DLGAP1: variants seen among roughly 807,000 people sequenced by gnomAD.
DLGAP1 encodes DLG associated protein 1, also known as disks large-associated protein 1.
A neutral mutation model predicts 90.8 loss-of-function variants in DLGAP1; 11 were observed. The ratio of observed to expected loss-of-function variants is 0.12; its 90% CI spans 0.08 to 0.20. DLGAP1 has a LOEUF of 0.20. Ranked by LOEUF, DLGAP1 falls within the 10% of genes least tolerant of loss-of-function variation. The pLI, the probability that DLGAP1 is intolerant of heterozygous loss-of-function variation, is 1.00. For synonymous variants in DLGAP1, 558 were observed against 540.7 expected (o/e 1.03, Z -0.44); for missense variants, 1,050 against 1,333.8 (o/e 0.79, Z 3.31).
At chr18:3,651,614 G>A (rs558073667) in intron 7 of DLGAP1, among the ~76,000 whole-genome samples, 20 of 152,132 alleles carry the variant, frequency 1.3e-4, no homozygotes, top group Non-Finnish European at 2.1e-4. Context: ...CCAACAAGGC[G>A]AACCCCCGTC....
At position 3,935,896 on chromosome 18, in the gene DLGAP1, T is replaced by C. The variant is rs557081399; in HGVS notation, c.-72-55756A>G. Among the ~76,000 whole-genome samples, 8 of 152,328 alleles carry C rather than the reference T, an allele frequency of 5.3e-5. No individual in the cohort carries two copies. The South Asian group carries it at 1.7e-3, about 32-fold the overall frequency. On this transcript the variant is annotated intron_variant, in intron 3 of 12. Transcript: ENST00000315677. Reference sequence around the variant, plus strand: ...TCCCTTCAGGATTTGGGAGACTGTCTTTTATCACAGCAAAGGAAATATTTT... The same window carrying C: ...TCCCTTCAGGATTTGGGAGACTGTCCTTTATCACAGCAAAGGAAATATTTT...
intron 2 of DLGAP1, among the ~76,000 whole-genome samples, chr18:4,063,074 T>C (rs1291399723): frequency 6.6e-6 from 1 of 152,106 alleles, no homozygotes. Flanking sequence ...GCTAAAAACA[T>C]TAATGGAAAA....
intron 4 of DLGAP1, among the ~76,000 whole-genome samples, chr18:3,843,905 A>ATT (rs915193679): frequency 1.3e-5 from 2 of 152,050 alleles, no homozygotes; most frequent in Non-Finnish European, 2.9e-5. Context: ...CATCGACGAT[A>ATT]TTTTGGGTGG....
intron 9 of DLGAP1, among the ~76,000 whole-genome samples, chr18:3,564,709 A>G (rs1406814129): frequency 1.3e-5 from 2 of 152,102 alleles, no homozygotes; most frequent in Non-Finnish European, 2.9e-5. Context: ...TGAGCCTCCA[A>G]CAATTCTTCA....
intron 7 of DLGAP1, among the ~76,000 whole-genome samples, chr18:3,712,919 A>G (rs1192031323): frequency 1.3e-5 from 2 of 152,246 alleles, no homozygotes; most frequent in African/African-American, 4.8e-5. Context: ...AAGTTGTTCT[A>G]CTGGTACTGT....
chr18:3,669,478 C>G (rs895185193), intron 7 of DLGAP1, among the ~76,000 whole-genome samples: 31 of 152,150 alleles, frequency 2.0e-4, no homozygotes, highest in African/African-American at 7.2e-4. Context: ...AGCGGCTGGA[C>G]GTGTTGGGAA....
chr18:3,705,950 C>T (rs1026097217), intron 7 of DLGAP1, among the ~76,000 whole-genome samples: 10 of 149,364 alleles, frequency 6.7e-5, no homozygotes, highest in East Asian at 5.9e-4. Context: ...TGAGCCACCG[C>T]GCTCGGCCCC....
intron 1 of DLGAP1, among the ~76,000 whole-genome samples, chr18:4,319,560 A>G (rs998125340): frequency 5.3e-5 from 8 of 152,178 alleles, no homozygotes; most frequent in African/African-American, 1.9e-4. Context: ...AGAATGATAT[A>G]GAAAGGTGGA....
intron 2 of DLGAP1, among the ~76,000 whole-genome samples, chr18:4,127,116 G>C (rs191203504): frequency 2.0e-5 from 3 of 152,238 alleles, no homozygotes; most frequent in Admixed American, 2.0e-4. Context: ...AGAGGAACTG[G>C]AAGCAGCCAC....
chr18:3,624,547 T>C (rs901520590), intron 7 of DLGAP1, among the ~76,000 whole-genome samples: 1 of 152,202 alleles, frequency 6.6e-6, no homozygotes, highest in Admixed American at 6.6e-5. Flanking sequence ...TCATTTTCTC[T>C]GAACTGTAGG....
chr18:4,308,656 TA>T (rs2080322709), intron 1 of DLGAP1, among the ~76,000 whole-genome samples: 1 of 152,116 alleles, frequency 6.6e-6, no homozygotes, highest in Non-Finnish European at 1.5e-5. Context: ...AGAATTAAAT[TA>T]AAAGGTTTAA....
At chr18:3,834,305 CAAAAAAAAAA>C (rs35630074) in intron 4 of DLGAP1, among the ~76,000 whole-genome samples, 4 of 33,166 alleles carry the variant, frequency 1.2e-4, no homozygotes, top group African/African-American at 4.9e-4. Context: ...GACTCTGTCT[CAAAAAAAAAA>C]AAAAAAAAAA....
At chr18:4,202,247 T>C (rs990428757) in intron 1 of DLGAP1, among the ~76,000 whole-genome samples, 2 of 152,020 alleles carry the variant, frequency 1.3e-5, no homozygotes, top group Admixed American at 1.3e-4. Context: ...GTGAAGTAAC[T>C]CAGGAATGGA....
chr18:3,543,166 A>ATTTTTTTT (rs76751283), intron 9 of DLGAP1, among the ~76,000 whole-genome samples: 8 of 64,122 alleles, frequency 1.2e-4, no homozygotes, highest in African/African-American at 1.6e-4. Context: ...CATGACTCCA[A>ATTTTTTTT]TTTTTTTTTT....
At chr18:4,221,241 C>T (rs1598650599) in intron 1 of DLGAP1, among the ~76,000 whole-genome samples, 1 of 152,112 alleles carries the variant, frequency 6.6e-6, no homozygotes, top group East Asian at 1.9e-4. Flanking sequence ...AATTTTCTTA[C>T]AATTGAATCC....
chr18:3,750,316 CT>C (rs1353582754), intron 5 of DLGAP1, among the ~76,000 whole-genome samples: 2 of 152,158 alleles, frequency 1.3e-5, no homozygotes, highest in African/African-American at 4.8e-5. Flanking sequence ...ATTGTTATGG[CT>C]GTGTAGTATT....
chr18:3,830,439 C>G (rs1598915049), intron 4 of DLGAP1, among the ~76,000 whole-genome samples: 1 of 152,170 alleles, frequency 6.6e-6, no homozygotes. Flanking sequence ...GTGGCACATG[C>G]CTGCAATCCC....
intron 2 of DLGAP1, among the ~76,000 whole-genome samples, chr18:4,080,890 CTT>C (rs71160939): frequency 0.39 from 56,787 of 145,538 alleles, 11,524 homozygotes; most frequent in Non-Finnish European, 0.49. Context: ...TTTGAATGCC[CTT>C]TTTTTTTTTT....
At chr18:4,268,059 T>G (rs557875391) in intron 1 of DLGAP1, among the ~76,000 whole-genome samples, 1 of 152,322 alleles carries the variant, frequency 6.6e-6, no homozygotes, top group African/African-American at 2.4e-5. Flanking sequence ...GAGGCCATCT[T>G]GGAGGCTGGC....
Sources: allele counts gnomAD v4.1 joint callset (sites outside exome capture counted in the v4.1 genomes callset), GRCh38; gene constraint gnomAD v4.1.1; transcripts MANE v1.5; gene names NCBI Gene and HGNC (gene_info 2026-07-23, HGNC 2026-07-21).